Variants in ASRGL1 observed in about 807,000 individuals in gnomAD.
ASRGL1 encodes isoaspartyl peptidase/L-asparaginase.
ASRGL1 carries 16 observed loss-of-function variants against 22.4 expected under a neutral mutation model. The ratio of observed to expected loss-of-function variants is 0.71; its 90% confidence interval spans 0.48 to 1.08. The LOEUF (loss-of-function observed/expected upper bound fraction) is 1.08, where lower values mean the gene tolerates loss of function less well. Among genes scored for constraint, ASRGL1 ranks in the 50% least tolerant of loss-of-function variants. The pLI, the probability that ASRGL1 is intolerant of heterozygous loss-of-function variation, is 0.00. For missense variants in ASRGL1, 412 were observed against 410.1 expected (o/e 1.00, Z -0.04); for synonymous variants, 165 against 159.3 (o/e 1.04, Z -0.27).
intron 4 of ASRGL1, among the ~76,000 whole-genome samples, chr11:62,373,445 C>G (rs1342784099): frequency 2.0e-5 from 3 of 152,030 alleles, no homozygotes; most frequent in Non-Finnish European, 4.4e-5. Flanking sequence ...GAGGCAGAAA[C>G]TTTGAGCAAT....
chr11:62,388,669 CAAAAAAAAAA>C (rs772803061), intron 4 of ASRGL1, among the ~76,000 whole-genome samples: 7 of 62,816 alleles, frequency 1.1e-4, no homozygotes, highest in Admixed American at 1.0e-3. Flanking sequence ...GACTTCATCT[CAAAAAAAAAA>C]AAAAAAAAAA....
chr11:62,374,381 C>T (rs1037032595), intron 4 of ASRGL1, among the ~76,000 whole-genome samples: 7 of 152,188 alleles, frequency 4.6e-5, no homozygotes, highest in Admixed American at 4.6e-4. Flanking sequence ...AGAGAGGCAA[C>T]AGCTGGGGCT....
downstream of ASRGL1, among the ~76,000 whole-genome samples, chr11:62,397,031 TTTTG>T (rs1357382163): frequency 3.3e-5 from 5 of 152,218 alleles, no homozygotes; most frequent in Non-Finnish European, 7.4e-5. Flanking sequence ...TATTAAACTT[TTTTG>T]TTTGTTTTTT....
intron 4 of ASRGL1, among the ~76,000 whole-genome samples, chr11:62,380,974 A>G (rs969535336): frequency 1.3e-5 from 2 of 152,142 alleles, no homozygotes; most frequent in African/African-American, 4.8e-5. Context: ...CTGAGGCTAT[A>G]GCGCCCTGCC....
intron 4 of ASRGL1, among the ~76,000 whole-genome samples, chr11:62,373,720 AGTTCT>A (rs1317515239): frequency 6.6e-6 from 1 of 152,216 alleles, no homozygotes; most frequent in Admixed American, 6.5e-5. Flanking sequence ...GGCCGGTGTC[AGTTCT>A]GTTTCTCCTC....
chr11:62,354,778 A>C (rs560117096), intron 2 of ASRGL1, among the ~76,000 whole-genome samples: 12 of 152,322 alleles, frequency 7.9e-5, no homozygotes, highest in African/African-American at 2.9e-4. Context: ...CTGAAACCTC[A>C]GAAGCAAGGC....
chr11:62,354,604 G>A (rs1054872617), intron 2 of ASRGL1, among the ~76,000 whole-genome samples: 1 of 152,168 alleles, frequency 6.6e-6, no homozygotes, highest in East Asian at 1.9e-4. Flanking sequence ...TGGTATTCGA[G>A]ACGGCTGCTA....
At chr11:62,352,019 A>C (rs564833653) in intron 2 of ASRGL1, among the ~76,000 whole-genome samples, 1 of 152,154 alleles carries the variant, frequency 6.6e-6, no homozygotes, top group Non-Finnish European at 1.5e-5. Flanking sequence ...GCTGGCAACA[A>C]ATTGTTTCCA....
At chr11:62,352,311 C>G (rs1946186145) in intron 2 of ASRGL1, among the ~76,000 whole-genome samples, 1 of 152,178 alleles carries the variant, frequency 6.6e-6, no homozygotes, top group Non-Finnish European at 1.5e-5. Context: ...CAAGGCTGGG[C>G]ACGGTGGCTC....
chr11:62,338,470 A>G (rs1023380795), intron 2 of ASRGL1: 2 of 276,234 alleles, frequency 7.2e-6, no homozygotes, highest in African/African-American at 2.2e-5. Flanking sequence ...CAAGACATAC[A>G]TTGGTTCCAT....
chr11:62,382,635 C>G (rs1947099617), intron 4 of ASRGL1: 1 of 151,914 alleles, frequency 6.6e-6, no homozygotes, highest in Non-Finnish European at 1.5e-5. Context: ...TTTACTAATG[C>G]TCCTCAGCAC....
intron 3 of ASRGL1, among the ~76,000 whole-genome samples, 177 bp downstream of exon 3, chr11:62,356,644 G>A (rs954269248): frequency 2.0e-5 from 3 of 152,200 alleles, no homozygotes; most frequent in Non-Finnish European, 2.9e-5. Flanking sequence ...GGAATCACTT[G>A]ACCAGTGAAT....
intron 4 of ASRGL1, among the ~76,000 whole-genome samples, chr11:62,368,975 CTT>C (rs1031773987): frequency 6.6e-6 from 1 of 152,166 alleles, no homozygotes; most frequent in Non-Finnish European, 1.5e-5. Context: ...ATGCCTTCCT[CTT>C]ATTACAACTG....
chr11:62,340,950 T>G (rs556692729), intron 2 of ASRGL1, among the ~76,000 whole-genome samples: 3 of 152,366 alleles, frequency 2.0e-5, no homozygotes, highest in South Asian at 4.1e-4. Context: ...TTATTTACAT[T>G]CTATTCCTGT....
intron 4 of ASRGL1, chr11:62,371,312 TCGACGGGGCCCC>T: frequency 7.3e-7 from 1 of 1,370,064 alleles, no homozygotes; most frequent in Non-Finnish European, 9.6e-7. Flanking sequence ...GGCCTGGAGC[TCGACGGGGCCCC>T]CGGCAGGGGC....
At chr11:62,381,630 A>C (rs35341808) in intron 4 of ASRGL1, among the ~76,000 whole-genome samples, 41,481 of 151,992 alleles carry the variant, frequency 0.27, 5,780 homozygotes, top group South Asian at 0.36. Context: ...AATCTTTTAG[A>C]TCTAAAGTTC....
downstream of ASRGL1, among the ~76,000 whole-genome samples, chr11:62,396,106 T>A (rs1565179438): frequency 6.6e-6 from 1 of 151,900 alleles, no homozygotes; most frequent in Non-Finnish European, 1.5e-5. Flanking sequence ...AGTGGCCCCA[T>A]CAACCTTGTC....
chr11:62,352,492 A>G (rs1946190964), intron 2 of ASRGL1, among the ~76,000 whole-genome samples: 1 of 152,084 alleles, frequency 6.6e-6, no homozygotes, highest in South Asian at 2.1e-4. Flanking sequence ...GCTGAGGCAC[A>G]AGAATCACTT....
At chr11:62,385,419 A>G (rs897251338) in intron 4 of ASRGL1, among the ~76,000 whole-genome samples, 5 of 151,830 alleles carry the variant, frequency 3.3e-5, no homozygotes, top group Admixed American at 1.3e-4. Context: ...TGATCCTCCT[A>G]CCTCTTCCTC....
Sources: gnomAD v4.1 joint callset for allele counts (sites outside exome capture counted in the v4.1 genomes callset) on GRCh38, gnomAD v4.1.1 for gene constraint, MANE v1.5 for transcripts, NCBI Gene and HGNC (gene_info 2026-07-23, HGNC 2026-07-21) for gene names.